Variants in INPP4B observed in about 807,000 individuals in gnomAD.
INPP4B encodes the protein inositol polyphosphate 4-phosphatase type II.
A neutral mutation model predicts 122.5 loss-of-function variants in INPP4B; 55 were observed. The observed-to-expected ratio is 0.45, with a 90% CI of 0.36 to 0.56. The LOEUF (loss-of-function observed/expected upper bound fraction) is 0.56, where lower values mean the gene tolerates loss of function less well. INPP4B is among the 20% of genes least tolerant of loss of function. The probability of loss-of-function intolerance (pLI) is 0.00; values close to 1 mark genes in which losing one functional copy is unlikely to be tolerated. For synonymous variants in INPP4B, 403 were observed against 388.7 expected (o/e 1.04, Z -0.43); for missense variants, 1,000 against 1,097.7 (o/e 0.91, Z 1.26).
chr4:142,622,545 A>C (rs992797662), intron 2 of INPP4B, among the ~76,000 whole-genome samples: 6 of 151,994 alleles, frequency 3.9e-5, no homozygotes, highest in African/African-American at 1.4e-4. Flanking sequence ...AAGAAGAGAC[A>C]ATGAGACCGC....
At chr4:142,444,225 C>G (rs1359940056) in intron 3 of INPP4B, among the ~76,000 whole-genome samples, 2 of 152,134 alleles carry the variant, frequency 1.3e-5, no homozygotes, top group African/African-American at 4.8e-5. Flanking sequence ...ATTATCCAGA[C>G]TTATACATTT....
At chr4:142,568,489 C>T (rs944365771) in intron 2 of INPP4B, among the ~76,000 whole-genome samples, 6 of 152,072 alleles carry the variant, frequency 3.9e-5, no homozygotes, top group African/African-American at 1.2e-4. Context: ...AGATATTGGA[C>T]TTCATTGTTA....
In INPP4B at chr4:142,720,761, ATCTCTCTCTC is replaced by A. The variant is rs1175727015; in HGVS notation, c.-191+5068_-191+5077del. On this transcript the variant is annotated intron_variant, in intron 2 of 25. Coordinates refer to ENST00000262992, the MANE Select transcript of INPP4B (RefSeq NM_001101669.3). ...ATATATATATATACATATATATATA[ATCTCTCTCTC>A]TCTCTCTCTCTCTCTCTCTCTCTCT... Among the ~76,000 whole-genome samples, 94 of 37,536 alleles carry A rather than the reference ATCTCTCTCTC, an allele frequency of 2.5e-3. 2 individuals carry two copies. Among genetic ancestry groups the A allele is most frequent in the African/African-American group, 5.5e-3 (54 of 9,824 alleles). The allele number at this position is 37,536 out of a possible 152,430, so 24.6% of individuals were successfully genotyped here. A position where few individuals can be genotyped will look rare whatever the true frequency, so the allele number is the denominator to read the frequency against.
chr4:142,841,841 CTG>C (rs2151213617), intron 1 of INPP4B, among the ~76,000 whole-genome samples: 1 of 152,000 alleles, frequency 6.6e-6, no homozygotes, highest in Admixed American at 6.5e-5. Context: ...TTAAAGTTGT[CTG>C]TGTATCTCGC....
chr4:142,150,673 C>T (rs1312433090), intron 17 of INPP4B, among the ~76,000 whole-genome samples: 2 of 152,072 alleles, frequency 1.3e-5, no homozygotes, highest in African/African-American at 4.8e-5. Flanking sequence ...CCTAAGGTAA[C>T]ATGCAGGTCA....
At position 142,082,045 on chromosome 4, in the gene INPP4B, C is replaced by G. The variant is rs1195698035; in HGVS notation, c.2628G>C (p.Leu876=). The stretch of plus-strand genomic sequence containing the variant: ...ATGTGAGATACCTTCTCATGCAATC[C>G]AGCGCTCGGATAAAGAAGTCCTTGT... The part of the protein sequence containing the change: ...QLHKDFFIRA[L]DCMRREGCRI... Residue 876 remains leucine (L), a synonymous_variant, in exon 25 of 26, where the codon CTG becomes CTC. Coordinates refer to ENST00000262992, the MANE Select transcript of INPP4B (RefSeq NM_001101669.3). 3.4e-6 allele frequency: 5 copies of G among 1,460,834 alleles called. No individual in the cohort carries two copies. The African/African-American group carries it at 5.5e-5, about 16-fold the overall frequency. The allele number at this position is 1,460,834 out of a possible 1,614,324, so 90.5% of individuals were successfully genotyped here. A position where few individuals can be genotyped will look rare whatever the true frequency, so the allele number is the denominator to read the frequency against.
chr4:142,735,166 G>A (rs915353957), intron 1 of INPP4B, among the ~76,000 whole-genome samples: 16 of 151,956 alleles, frequency 1.1e-4, no homozygotes, highest in African/African-American at 2.9e-4. Flanking sequence ...TTTTATGTAC[G>A]TTTAATTTAG....
At chr4:142,378,958 A>G (rs1793030025) in intron 7 of INPP4B, among the ~76,000 whole-genome samples, 1 of 152,108 alleles carries the variant, frequency 6.6e-6, no homozygotes, top group Admixed American at 6.6e-5. Context: ...ATATGTTTCA[A>G]ACTCCCTGAG....
At chr4:142,137,164 A>G (rs1485856348) in intron 18 of INPP4B, among the ~76,000 whole-genome samples, 1 of 152,248 alleles carries the variant, frequency 6.6e-6, no homozygotes, top group Non-Finnish European at 1.5e-5. Flanking sequence ...CCAAAACAGC[A>G]TGATACTGGT....
intron 23 of INPP4B, among the ~76,000 whole-genome samples, chr4:142,097,288 C>T (rs1702927930): frequency 8.5e-6 from 1 of 117,530 alleles, no homozygotes; most frequent in African/African-American, 3.3e-5. Context: ...GAGTTTCGCT[C>T]TTGTTGCCCA....
At chr4:142,453,808 A>G (rs560999559) in intron 3 of INPP4B, among the ~76,000 whole-genome samples, 59 of 152,328 alleles carry the variant, frequency 3.9e-4, no homozygotes, top group Non-Finnish European at 6.6e-4. Flanking sequence ...AATGAAAAAT[A>G]AAAATTTAAC....
At chr4:142,336,726 G>A (rs1049227218) in intron 7 of INPP4B, among the ~76,000 whole-genome samples, 1 of 152,218 alleles carries the variant, frequency 6.6e-6, no homozygotes, top group Non-Finnish European at 1.5e-5. Context: ...GCTGCAGCAG[G>A]CCAAGTGGGC....
intron 25 of INPP4B, among the ~76,000 whole-genome samples, chr4:142,070,960 T>G (rs543203186): frequency 6.6e-6 from 1 of 152,294 alleles, no homozygotes; most frequent in East Asian, 1.9e-4. Flanking sequence ...TACCAATGAC[T>G]TTCTTCACAG....
intron 23 of INPP4B, among the ~76,000 whole-genome samples, chr4:142,099,246 G>C (rs1472692319): frequency 6.6e-6 from 1 of 152,078 alleles, no homozygotes; most frequent in Non-Finnish European, 1.5e-5. Context: ...TCAAACTTAA[G>C]CTTGTCCTGC....
intron 1 of INPP4B, among the ~76,000 whole-genome samples, chr4:142,729,846 C>G (rs1765833730): frequency 6.6e-6 from 1 of 152,154 alleles, no homozygotes; most frequent in African/African-American, 2.4e-5. Flanking sequence ...ACCTCTCTTC[C>G]AGAGGAATCT....
At chr4:142,369,852 A>T (rs1408858353) in intron 7 of INPP4B, among the ~76,000 whole-genome samples, 1 of 148,472 alleles carries the variant, frequency 6.7e-6, no homozygotes, top group Non-Finnish European at 1.5e-5. Flanking sequence ...AATTGCTTGA[A>T]CCCAGGAGAC....
At chr4:142,400,319 G>A (rs1199397895) in intron 7 of INPP4B, among the ~76,000 whole-genome samples, 1 of 152,004 alleles carries the variant, frequency 6.6e-6, no homozygotes, top group Non-Finnish European at 1.5e-5. Flanking sequence ...GGTTTGCTAG[G>A]ACCAAATATT....
intron 2 of INPP4B, among the ~76,000 whole-genome samples, chr4:142,587,562 G>C (rs1005401758): frequency 6.6e-6 from 1 of 152,038 alleles, no homozygotes; most frequent in Non-Finnish European, 1.5e-5. Flanking sequence ...TGAGTAAATA[G>C]TATGTGTATA....
At chr4:142,600,521 A>G (rs962693598) in intron 2 of INPP4B, among the ~76,000 whole-genome samples, 2 of 152,200 alleles carry the variant, frequency 1.3e-5, no homozygotes, top group East Asian at 1.9e-4. Context: ...ATGAAAACAC[A>G]TGAAAATATA....
Sources: allele counts gnomAD v4.1 joint callset (sites outside exome capture counted in the v4.1 genomes callset), GRCh38; gene constraint gnomAD v4.1.1; transcripts MANE v1.5; gene names NCBI Gene and HGNC (gene_info 2026-07-23, HGNC 2026-07-21).